Variants in SRD5A2 observed in about 807,000 individuals in gnomAD.
SRD5A2 encodes the protein 3-oxo-5-alpha-steroid 4-dehydrogenase 2.
In SRD5A2, 30 loss-of-function variants were observed where a neutral mutation model predicts 27.4. The observed-to-expected ratio is 1.10, with a 90% CI of 0.82 to 1.49. SRD5A2 has a LOEUF of 1.49. SRD5A2 is among the 40% of genes most tolerant of loss of function. SRD5A2 has a pLI of 0.00. For missense variants in SRD5A2, 348 were observed against 323.4 expected (o/e 1.08, Z -0.58); for synonymous variants, 141 against 133.6 (o/e 1.06, Z -0.38).
chr2:31,627,312 C>A, the SRD5A2 span, among the ~76,000 whole-genome samples: 1 of 151,700 alleles, frequency 6.6e-6, no homozygotes, highest in East Asian at 1.9e-4. Flanking sequence ...GTGGCAATGT[C>A]CCCTTTGTTG....
the SRD5A2 span, among the ~76,000 whole-genome samples, chr2:31,596,286 G>A: frequency 5.3e-5 from 8 of 151,312 alleles, no homozygotes; most frequent in Non-Finnish European, 1.0e-4. Flanking sequence ...CACTTGAGAG[G>A]CTGAGACAGG....
chr2:31,541,762 T>C (rs967421569), intron 1 of SRD5A2, among the ~76,000 whole-genome samples: 29 of 152,192 alleles, frequency 1.9e-4, no homozygotes, highest in Non-Finnish European at 3.4e-4. Context: ...AGAGACAATC[T>C]GTAAACCTGG....
intron 1 of SRD5A2, among the ~76,000 whole-genome samples, chr2:31,539,715 A>T (rs1309066288): frequency 6.6e-6 from 1 of 152,166 alleles, no homozygotes; most frequent in Non-Finnish European, 1.5e-5. Context: ...CCCAGTGACA[A>T]CAAGGCCACC....
chr2:31,528,767 A>AAAAT (rs58489430), intron 4 of SRD5A2, among the ~76,000 whole-genome samples: 2,921 of 149,668 alleles, frequency 0.02, 54 homozygotes, highest in South Asian at 0.072. Flanking sequence ...CTCCAACTCA[A>AAAAT]AAATAAATAA....
rs566570636 is a variant in SRD5A2 at position 31,572,494 on chromosome 2, G to C, written c.281+8126C>G. Among the ~76,000 whole-genome samples, 207 of 152,218 alleles carry C rather than the reference G, an allele frequency of 1.4e-3. 2 individuals are homozygous for C. The highest frequency in any genetic ancestry group is 4.8e-3 in the African/African-American group (201 of 41,542). ...ACAAAAGACAGTTAAGAGAATAAAA[G>C]AGACAAGTCACAAACTGAGAGAAAA... On this transcript the variant is annotated intron_variant, in intron 1 of 4. Coordinates refer to ENST00000622030, the MANE Select transcript of SRD5A2 (RefSeq NM_000348.4).
chr2:31,633,496 G>C, the SRD5A2 span, among the ~76,000 whole-genome samples: 1 of 152,122 alleles, frequency 6.6e-6, no homozygotes, highest in Non-Finnish European at 1.5e-5. Context: ...GTCTCTTCCA[G>C]AATCAAAGCT....
At chr2:31,605,384 A>G in the SRD5A2 span, among the ~76,000 whole-genome samples, 1 of 151,920 alleles carries the variant, frequency 6.6e-6, no homozygotes, top group Non-Finnish European at 1.5e-5. Context: ...AAATATTTGC[A>G]AAGTGTTCAT....
At chr2:31,559,803 T>C (rs1248070382) in intron 1 of SRD5A2, among the ~76,000 whole-genome samples, 1 of 149,722 alleles carries the variant, frequency 6.7e-6, no homozygotes, top group South Asian at 2.1e-4. Context: ...TAGTAACCAA[T>C]ACATCAGTGC....
chr2:31,526,025 G>A lies in SRD5A2; in HGVS notation c.*171C>T, dbSNP rs193256470. On this transcript the variant is annotated 3_prime_UTR_variant, in exon 5 of 5. Transcript: ENST00000622030. ...AGGATAGGGGTCCCTGGAAGGGTAG[G>A]AGTAAACTCTAAGCAGACACCACTC... The A allele has an allele frequency of 2.3e-5, 12 of 527,322 alleles. No individual in the cohort carries two copies. Among genetic ancestry groups the A allele is most frequent in the African/African-American group, 1.8e-4 (9 of 51,338 alleles). 32.7% of individuals were successfully genotyped at this position (527,322 alleles called of 1,614,324 possible).
the SRD5A2 span, among the ~76,000 whole-genome samples, chr2:31,652,045 G>A: frequency 7.9e-5 from 12 of 152,196 alleles, no homozygotes; most frequent in South Asian, 4.1e-4. Context: ...TGCAGCCTCC[G>A]CCTCCAGGAC....
At chr2:31,624,659 C>T in the SRD5A2 span, among the ~76,000 whole-genome samples, 9 of 152,266 alleles carry the variant, frequency 5.9e-5, no homozygotes, top group South Asian at 1.9e-3. Context: ...TTTCCAGCCT[C>T]ATCCATGTCC....
chr2:31,598,144 C>T, the SRD5A2 span, among the ~76,000 whole-genome samples: 4 of 151,994 alleles, frequency 2.6e-5, no homozygotes, highest in Non-Finnish European at 4.4e-5. Context: ...TAATGGCATT[C>T]ACAGCAACCT....
At chr2:31,544,791 G>A (rs1244519478) in intron 1 of SRD5A2, among the ~76,000 whole-genome samples, 1 of 151,570 alleles carries the variant, frequency 6.6e-6, no homozygotes, top group African/African-American at 2.4e-5. Flanking sequence ...TTTTAAAAAT[G>A]ACAATTCTAC....
the SRD5A2 span, among the ~76,000 whole-genome samples, chr2:31,609,295 T>C: frequency 6.6e-6 from 1 of 151,960 alleles, no homozygotes; most frequent in Non-Finnish European, 1.5e-5. Flanking sequence ...AAAGTTGATA[T>C]AGCATAGACA....
the SRD5A2 span, among the ~76,000 whole-genome samples, chr2:31,639,330 A>C: frequency 6.6e-6 from 1 of 152,030 alleles, no homozygotes; most frequent in East Asian, 1.9e-4. Flanking sequence ...TGTTTTTGAT[A>C]GATTAATCTT....
chr2:31,613,383 G>T, the SRD5A2 span, among the ~76,000 whole-genome samples: 2 of 152,150 alleles, frequency 1.3e-5, no homozygotes, highest in African/African-American at 2.4e-5. Context: ...CAAAAGAAGA[G>T]ATATGAATAG....
chr2:31,546,852 T>G (rs1666272282), intron 1 of SRD5A2, among the ~76,000 whole-genome samples: 1 of 152,184 alleles, frequency 6.6e-6, no homozygotes, highest in African/African-American at 2.4e-5. Flanking sequence ...ATCCCAGCAC[T>G]TTGGGAGGCC....
chr2:31,600,077 T>A, the SRD5A2 span, among the ~76,000 whole-genome samples: 1 of 152,034 alleles, frequency 6.6e-6, no homozygotes, highest in African/African-American at 2.4e-5. Context: ...AGTGAGAACA[T>A]ACAGTATTTG....
At chr2:31,614,296 T>C in the SRD5A2 span, among the ~76,000 whole-genome samples, 1 of 152,234 alleles carries the variant, frequency 6.6e-6, no homozygotes, top group African/African-American at 2.4e-5. Context: ...ACACAGGGAC[T>C]GCAGGTCCCA....
Sources: allele counts gnomAD v4.1 joint callset (sites outside exome capture counted in the v4.1 genomes callset), GRCh38; gene constraint gnomAD v4.1.1; transcripts MANE v1.5; gene names NCBI Gene and HGNC (gene_info 2026-07-23, HGNC 2026-07-21).